Variants in LUZP2 observed in about 807,000 individuals in gnomAD.
LUZP2 encodes the protein leucine zipper protein 2.
Under a neutral mutation model 51.6 loss-of-function variants are expected in LUZP2, and 52 were observed. That is an observed-to-expected ratio of 1.01 (90% CI 0.81 to 1.27). The LOEUF is 1.27. LUZP2 is among the 50% of genes most tolerant of loss of function. The pLI is 0.00. For synonymous variants in LUZP2, 154 were observed against 137.3 expected, an observed-to-expected ratio of 1.12 and a Z score of -0.85; for missense variants, 436 against 395.4, an observed-to-expected ratio of 1.10 and a Z score of -0.87.
At chr11:24,686,081 C>T (rs1239852378) in intron 1 of LUZP2, among the ~76,000 whole-genome samples, 1 of 152,058 alleles carries the variant, frequency 6.6e-6, no homozygotes, top group East Asian at 1.9e-4. Context: ...CTGAGTAAGC[C>T]AAACATGCTG....
At chr11:24,795,863 C>G (rs1454899589) in intron 5 of LUZP2, among the ~76,000 whole-genome samples, 1 of 152,038 alleles carries the variant, frequency 6.6e-6, no homozygotes, top group Non-Finnish European at 1.5e-5. Context: ...CTGCCTAATC[C>G]TGTCTGTCTA....
At chr11:25,039,513 A>G (rs1442042179) in intron 9 of LUZP2, among the ~76,000 whole-genome samples, 2 of 152,154 alleles carry the variant, frequency 1.3e-5, no homozygotes, top group Non-Finnish European at 1.5e-5. Context: ...AGAGGGAGAT[A>G]GGAGCTCTGG....
chr11:24,783,981 A>C (rs1849167863), intron 5 of LUZP2, among the ~76,000 whole-genome samples: 1 of 151,962 alleles, frequency 6.6e-6, no homozygotes, highest in Non-Finnish European at 1.5e-5. Context: ...TGAATTACTA[A>C]GAATTTCAAT....
At chr11:24,909,260 T>G (rs1386907203) in intron 6 of LUZP2, among the ~76,000 whole-genome samples, 2 of 151,994 alleles carry the variant, frequency 1.3e-5, no homozygotes, top group Non-Finnish European at 2.9e-5. Context: ...AATTGATGTT[T>G]TGATAATAAT....
intron 1 of LUZP2, among the ~76,000 whole-genome samples, chr11:24,672,271 A>G (rs537787774): frequency 6.6e-6 from 1 of 152,140 alleles, no homozygotes; most frequent in South Asian, 2.1e-4. Context: ...AGTATTGTAA[A>G]ATTAGTCTCC....
intron 8 of LUZP2, among the ~76,000 whole-genome samples, 172 bp downstream of exon 8, chr11:24,976,837 C>A (rs1285055603): frequency 6.6e-6 from 1 of 151,188 alleles, no homozygotes; most frequent in Non-Finnish European, 1.5e-5. Context: ...CTTTGGAATC[C>A]AACTATTTCT....
At chr11:24,803,846 T>A (rs979442918) in intron 5 of LUZP2, among the ~76,000 whole-genome samples, 2 of 151,996 alleles carry the variant, frequency 1.3e-5, no homozygotes, top group Non-Finnish European at 2.9e-5. Context: ...ATAATTCTAT[T>A]TATATAAAAG....
chr11:24,692,886 C>T (rs1220828227), intron 1 of LUZP2, among the ~76,000 whole-genome samples: 1 of 151,890 alleles, frequency 6.6e-6, no homozygotes, highest in East Asian at 1.9e-4. Context: ...CTTCAAATAA[C>T]TGCATATGGG....
At chr11:24,566,778 T>C (rs1334306365) in intron 1 of LUZP2, among the ~76,000 whole-genome samples, 2 of 146,308 alleles carry the variant, frequency 1.4e-5, no homozygotes, top group African/African-American at 5.0e-5. Flanking sequence ...AAGGTATATA[T>C]ACATATATAT....
At chr11:24,646,699 A>C in intron 1 of LUZP2, 23 of 615,308 alleles carry the variant, frequency 3.7e-5, no homozygotes, top group Non-Finnish European at 4.5e-5. Context: ...CTGATGTCTC[A>C]TTGGCCATAA....
chr11:25,013,663 T>G (rs1188423692), intron 9 of LUZP2, among the ~76,000 whole-genome samples: 1 of 152,162 alleles, frequency 6.6e-6, no homozygotes, highest in Non-Finnish European at 1.5e-5. Context: ...TGTCATATTT[T>G]CATGCTTATA....
intron 6 of LUZP2, among the ~76,000 whole-genome samples, chr11:24,910,856 C>T (rs916630693): frequency 4.6e-5 from 7 of 152,184 alleles, no homozygotes; most frequent in East Asian, 3.9e-4. Flanking sequence ...GTAGATCCAC[C>T]GACAACTTGC....
intron 1 of LUZP2, among the ~76,000 whole-genome samples, chr11:24,623,441 T>A (rs1027358773): frequency 1.3e-5 from 2 of 152,204 alleles, no homozygotes; most frequent in African/African-American, 4.8e-5. Context: ...AGAAGTTGAA[T>A]GGAATTTTGC....
intron 1 of LUZP2, among the ~76,000 whole-genome samples, chr11:24,562,568 T>C (rs2133775433): frequency 6.6e-6 from 1 of 151,728 alleles, no homozygotes; most frequent in East Asian, 1.9e-4. Context: ...AAAGAAAGGT[T>C]ATAGGCCGGG....
At chr11:25,049,964 G>A (rs1858440173) in intron 9 of LUZP2, 74 bp from the exon 10 acceptor site, 2 of 739,858 alleles carry the variant, frequency 2.7e-6, no homozygotes, top group Non-Finnish European at 4.2e-6. Context: ...AAAACGATTT[G>A]GATCTATTTG....
intron 5 of LUZP2, among the ~76,000 whole-genome samples, chr11:24,849,971 G>A (rs1164355802): frequency 1.3e-5 from 2 of 151,758 alleles, no homozygotes; most frequent in African/African-American, 4.8e-5. Context: ...TTTTGATGGG[G>A]TTGTTTTTTT....
intron 1 of LUZP2, among the ~76,000 whole-genome samples, chr11:24,605,361 AT>A (rs1415232866): frequency 2.6e-5 from 4 of 151,848 alleles, no homozygotes; most frequent in African/African-American, 9.7e-5. Flanking sequence ...ACTTTATTAC[AT>A]AAAACTTTTG....
Position 24,644,086 on chromosome 11 carries a change from C to T in LUZP2, c.63-85083C>T, listed in dbSNP as rs80041276. Among the ~76,000 whole-genome samples the T allele has an allele frequency of 2.4e-4, 37 of 152,296 alleles. No individual in the cohort carries two copies. In the East Asian group the frequency reaches 7.1e-3, roughly 29 times the overall value. ...TTGCTTCTGTAGGTTGAATAATCCC[C>T]ATCCTAGGACTGAGTATTAAGGAGA... is the stretch of plus-strand genomic sequence containing the variant. On this transcript the variant is annotated intron_variant, in intron 1 of 11. Coordinates refer to ENST00000336930, the MANE Select transcript of LUZP2 (RefSeq NM_001009909.4).
intron 5 of LUZP2, among the ~76,000 whole-genome samples, chr11:24,782,110 G>A (rs150890401): frequency 6.6e-6 from 1 of 152,014 alleles, no homozygotes; most frequent in Non-Finnish European, 1.5e-5. Flanking sequence ...TCAGAATCAG[G>A]TGTGACTTGA....
Sources: allele counts gnomAD v4.1 joint callset (sites outside exome capture counted in the v4.1 genomes callset), GRCh38; gene constraint gnomAD v4.1.1; transcripts MANE v1.5; gene names NCBI Gene and HGNC (gene_info 2026-07-23, HGNC 2026-07-21).